Variants in ZNF277 observed in about 807,000 individuals in gnomAD.
ZNF277 encodes nuclear receptor-interacting factor 4.
Under a neutral mutation model 60.7 loss-of-function variants are expected in ZNF277, and 55 were observed. The observed-to-expected ratio is 0.91, with a 90% CI of 0.73 to 1.13. The LOEUF is 1.13. Ranked by LOEUF, ZNF277 falls within the 50% of genes most tolerant of loss-of-function variation. ZNF277 has a pLI of 0.00. For synonymous variants in ZNF277, 178 were observed against 179.3 expected, an observed-to-expected ratio of 0.99 and a Z score of 0.06; for missense variants, 510 against 523.0, an observed-to-expected ratio of 0.98 and a Z score of 0.24.
intron 9 of ZNF277, among the ~76,000 whole-genome samples, chr7:112,339,588 G>A (rs147543368): frequency 6.6e-6 from 1 of 152,304 alleles, no homozygotes; most frequent in African/African-American, 2.4e-5. Flanking sequence ...CAAAGTGCTG[G>A]GATTATAGGC....
chr7:112,270,824 A>G lies in ZNF277; in HGVS notation c.92-16049A>G, dbSNP rs1032734955. On this transcript the variant is annotated intron_variant, in intron 1 of 11. Transcript: ENST00000361822. ...ATAAAGTTATAAAATTGATCATATC[A>G]AGTTTTCATTAGAACAGTGGTTTGT... 7.2e-5 allele frequency among the ~76,000 whole-genome samples: 11 copies of G among 152,228 alleles called. No individual in the cohort carries two copies. The East Asian group carries it at 2.1e-3, about 29-fold the overall frequency.
At chr7:112,244,933 A>G (rs10953708) in intron 1 of ZNF277, among the ~76,000 whole-genome samples, 20,606 of 152,208 alleles carry the variant, frequency 0.14, 1,464 homozygotes, top group East Asian at 0.16. Context: ...CACAAATGAA[A>G]TGTAATGTGT....
rs771733855 is a variant in ZNF277, at chr7:112,327,825, C to G, written c.666C>G (p.Asp222Glu). 7.5e-6 allele frequency: 12 copies of G among 1,593,894 alleles called. No individual in the cohort carries two copies. The Admixed American group carries it at 2.1e-4, about 28-fold the overall frequency. ...EFLCTLQKKL[D>E]NLQCLYCEKT... is the part of the protein sequence containing the mutation. Reference sequence around the variant, plus strand: ...TGTGTACATTACAGAAAAAGCTTGACAAGTAAGTACTGATTTATGAAACAC... The same window carrying G: ...TGTGTACATTACAGAAAAAGCTTGAGAAGTAAGTACTGATTTATGAAACAC... Residue 222 changes from aspartate (D) to glutamate (E), a missense_variant and splice_region_variant, in exon 6 of 12, where the codon GAC (aspartate) becomes GAG (glutamate). Transcript: ENST00000361822.
chr7:112,240,045 A>G (rs993356148), intron 1 of ZNF277, among the ~76,000 whole-genome samples: 1 of 152,204 alleles, frequency 6.6e-6, no homozygotes, highest in African/African-American at 2.4e-5. Context: ...AGTTTAAAAT[A>G]ATGGGTTAGA....
chr7:112,227,206 C>A (rs966928603), intron 1 of ZNF277, among the ~76,000 whole-genome samples: 3 of 152,164 alleles, frequency 2.0e-5, no homozygotes, highest in Admixed American at 2.0e-4. Flanking sequence ...ATTAGTTGAT[C>A]CTGCTGTGAA....
In ZNF277 at chr7:112,330,069, G is replaced by C; in HGVS notation, c.669-15G>C. 6.2e-7 allele frequency: 1 copy of C among 1,604,538 alleles called. No individual in the cohort carries two copies. Among genetic ancestry groups the C allele is most frequent in the Non-Finnish European group, 8.5e-7 (1 of 1,177,216 alleles). On this transcript the variant is annotated splice_polypyrimidine_tract_variant and intron_variant, in intron 6 of 11. Transcript: ENST00000361822. ...ACAAGAGACTTGTTTATCAGTGTTT[G>C]TGTATTTCTTGTAGTTTGCAGTGCT... is the stretch of plus-strand genomic sequence containing the variant.
intron 1 of ZNF277, among the ~76,000 whole-genome samples, chr7:112,230,262 A>G (rs1822287719): frequency 6.6e-6 from 1 of 152,190 alleles, no homozygotes; most frequent in Admixed American, 6.5e-5. Flanking sequence ...CCTCATCTCT[A>G]CTAGAAACAG....
At chr7:112,220,225 C>A (rs1227085204) in intron 1 of ZNF277, among the ~76,000 whole-genome samples, 1 of 152,022 alleles carries the variant, frequency 6.6e-6, no homozygotes, top group Non-Finnish European at 1.5e-5. Flanking sequence ...CAATTTCTCT[C>A]ATCAGTATTT....
chr7:112,312,148 A>G (rs1489329020), intron 4 of ZNF277, among the ~76,000 whole-genome samples: 2 of 152,256 alleles, frequency 1.3e-5, no homozygotes, highest in African/African-American at 2.4e-5. Flanking sequence ...AGTTGATTAC[A>G]TAGAGATGAT....
intron 2 of ZNF277, among the ~76,000 whole-genome samples, chr7:112,293,599 C>A (rs931660080): frequency 8.8e-5 from 13 of 148,024 alleles, no homozygotes; most frequent in Non-Finnish European, 1.9e-4. Context: ...AAAAAAAAGT[C>A]ATTAATAATT....
chr7:112,317,496 GA>G (rs1424842238), intron 4 of ZNF277, among the ~76,000 whole-genome samples: 1 of 151,994 alleles, frequency 6.6e-6, no homozygotes, highest in Non-Finnish European at 1.5e-5. Context: ...TAAGATTTGT[GA>G]AAGTGAAAAA....
At chr7:112,285,268 G>A (rs1792038838) in intron 1 of ZNF277, among the ~76,000 whole-genome samples, 1 of 151,758 alleles carries the variant, frequency 6.6e-6, no homozygotes. Flanking sequence ...TTGACCTTGT[G>A]ATCTGCCCGC....
At chr7:112,322,526 T>A (rs1793007165) in intron 5 of ZNF277, among the ~76,000 whole-genome samples, 1 of 152,120 alleles carries the variant, frequency 6.6e-6, no homozygotes, top group Non-Finnish European at 1.5e-5. Flanking sequence ...AAAAATACTT[T>A]CTGGCTACTA....
At chr7:112,288,029 A>T (rs745801661) in intron 2 of ZNF277, 16 of 152,174 alleles carry the variant, frequency 1.1e-4, no homozygotes, top group Non-Finnish European at 2.2e-4. Flanking sequence ...TAGGCCATAG[A>T]CATTCTCTGA....
chr7:112,234,078 A>G (rs376214806), intron 1 of ZNF277, among the ~76,000 whole-genome samples: 1 of 151,896 alleles, frequency 6.6e-6, no homozygotes, highest in African/African-American at 2.4e-5. Context: ...TTTTTTTTCT[A>G]CTTTACCATG....
Position 112,281,023 on chromosome 7 carries a change from C to T in ZNF277, c.92-5850C>T, listed in dbSNP as rs186594515. Among the ~76,000 whole-genome samples the T allele has an allele frequency of 5.3e-5, 8 of 152,310 alleles. No individual in the cohort carries two copies. In the East Asian group the frequency reaches 1.4e-3, roughly 26 times the overall value. On this transcript the variant is annotated intron_variant, in intron 1 of 11. Coordinates refer to ENST00000361822, the MANE Select transcript of ZNF277 (RefSeq NM_021994.3). ...GACAAATCTTACTGAATTATGTCTG[C>T]TCTCCAGTGCTTAGTAATTTAGAGA...
chr7:112,275,126 G>A (rs1791763398), intron 1 of ZNF277, among the ~76,000 whole-genome samples: 1 of 152,172 alleles, frequency 6.6e-6, no homozygotes, highest in East Asian at 1.9e-4. Flanking sequence ...CCCCTTTACT[G>A]TTGAAAAATC....
intron 1 of ZNF277, among the ~76,000 whole-genome samples, chr7:112,281,241 C>T (rs1299939169): frequency 6.6e-6 from 1 of 152,152 alleles, no homozygotes; most frequent in Non-Finnish European, 1.5e-5. Flanking sequence ...GTAAAAATTA[C>T]ATTTTCTAAG....
intron 4 of ZNF277, among the ~76,000 whole-genome samples, chr7:112,297,645 T>C (rs1447471946): frequency 2.0e-5 from 3 of 152,346 alleles, no homozygotes; most frequent in East Asian, 3.9e-4. Context: ...TAGGACTTCC[T>C]GAGTTTCTCT....
Sources: gnomAD v4.1 joint callset for allele counts (sites outside exome capture counted in the v4.1 genomes callset) on GRCh38, gnomAD v4.1.1 for gene constraint, MANE v1.5 for transcripts, NCBI Gene and HGNC (gene_info 2026-07-23, HGNC 2026-07-21) for gene names.